The following GALNT18 variants were observed in gnomAD, a reference collection of about 807,000 sequenced individuals.
GALNT18 encodes the protein GalNAc-transferase 18.
In GALNT18, 44 loss-of-function variants were observed where a neutral mutation model predicts 69.5. The observed-to-expected ratio is 0.63, with a 90% CI of 0.50 to 0.81. GALNT18 has a LOEUF of 0.81. GALNT18 is among the 40% of genes least tolerant of loss of function. GALNT18 has a pLI of 0.00. For synonymous variants in GALNT18, 364 were observed against 318.2 expected (o/e 1.14, Z -1.53); for missense variants, 715 against 810.0 (o/e 0.88, Z 1.42).
intron 1 of GALNT18, among the ~76,000 whole-genome samples, chr11:11,488,906 G>A (rs1037349855): frequency 6.6e-6 from 1 of 152,184 alleles, no homozygotes. Flanking sequence ...CACAAGGAAA[G>A]CTCTACTGTA....
intron 3 of GALNT18, among the ~76,000 whole-genome samples, chr11:11,420,747 C>T (rs1002380992): frequency 1.3e-5 from 2 of 152,114 alleles, no homozygotes; most frequent in African/African-American, 4.8e-5. Flanking sequence ...CACTGTGGCC[C>T]TAAGTAATGT....
rs1859115498 is a variant in GALNT18, at chr11:11,582,723, C to T, written c.235+38636G>A. 1.3e-5 allele frequency among the ~76,000 whole-genome samples: 2 copies of T among 152,244 alleles called. No homozygotes were observed. The highest frequency in any genetic ancestry group is 6.5e-5 in the Admixed American group (1 of 15,294). On this transcript the variant is annotated intron_variant, in intron 1 of 10. Transcript: ENST00000227756. The surrounding 1 kb of genome is among the most constrained non-coding windows in gnomAD (Gnocchi z 5.0). ...ATAACCCAGTGGAAACTAACCAACA[C>T]AGCCTTTCAGCCCTCATCAAAGGTG...
intron 1 of GALNT18, among the ~76,000 whole-genome samples, chr11:11,575,012 T>G (rs1858886751): frequency 6.6e-6 from 1 of 152,238 alleles, no homozygotes; most frequent in African/African-American, 2.4e-5. Context: ...ATCTAGCATG[T>G]GCCTGGCTGA....
rs947867640 is a variant in GALNT18, at chr11:11,546,389, C to T, written c.235+74970G>A. Among the ~76,000 whole-genome samples, 1 of 152,186 alleles carries T rather than the reference C, an allele frequency of 6.6e-6. No homozygotes were observed. Among genetic ancestry groups the T allele is most frequent in the Admixed American group, 6.5e-5 (1 of 15,274 alleles). On this transcript the variant is annotated intron_variant, in intron 1 of 10. Transcript: ENST00000227756. This position sits in a 1 kb window ranked among gnomAD's most constrained non-coding sequence, Gnocchi z 5.8. The stretch of plus-strand genomic sequence containing the variant: ...ATTCTCTCCATTTCTGCCTTCCGCT[C>T]TCTGTGCCAACCACACCAACCTGCT...
rs1163375839 is a variant in GALNT18 at position 11,619,854 on chromosome 11, G to A, written c.235+1505C>T. ...CCCAGTGCCAGGTTGAGAGGCAGAG[G>A]CAGGTCTGAAGAAGAAGCTGTCAAT... On this transcript the variant is annotated intron_variant, in intron 1 of 10. Coordinates refer to ENST00000227756, the MANE Select transcript of GALNT18 (RefSeq NM_198516.3). This position sits in a 1 kb window ranked among gnomAD's most constrained non-coding sequence, Gnocchi z 4.9. Among the ~76,000 whole-genome samples, 1 of 152,210 alleles carries A rather than the reference G, an allele frequency of 6.6e-6. No individual in the cohort carries two copies. The highest frequency in any genetic ancestry group is 1.5e-5 in the Non-Finnish European group (1 of 68,038).
intron 1 of GALNT18, among the ~76,000 whole-genome samples, chr11:11,449,881 G>A (rs1412789556): frequency 6.6e-6 from 1 of 152,230 alleles, no homozygotes; most frequent in African/African-American, 2.4e-5. Flanking sequence ...ATCAGTTTAT[G>A]TCTCAGAACA....
rs564233640 is a variant in GALNT18 at position 11,309,404 on chromosome 11, A to G, written c.1513-16211T>C. 1.8e-4 allele frequency among the ~76,000 whole-genome samples: 28 copies of G among 152,122 alleles called. No homozygotes were observed. Among genetic ancestry groups the G allele is most frequent in the Non-Finnish European group, 3.4e-4 (23 of 68,022 alleles). ...CATCAACCTAATTGAGGCCTTTGGA[A>G]TAATAATTTTCTTTCTTTCCTTCTA... On this transcript the variant is annotated intron_variant, in intron 9 of 10. Transcript: ENST00000227756. This position sits in a 1 kb window ranked among gnomAD's most constrained non-coding sequence, Gnocchi z 4.6.
rs1017019558 is a variant in GALNT18, at chr11:11,618,001, T to C, written c.235+3358A>G. 6.6e-6 allele frequency among the ~76,000 whole-genome samples: 1 copy of C among 152,188 alleles called. No homozygotes were observed. The highest frequency in any genetic ancestry group is 6.5e-5 in the Admixed American group (1 of 15,290). ...GTCAAAAAACTTCCCAAAACTGCAATTTACATTCCCAAGAGATTCCCAAAC... is the reference window on the plus strand; with the variant it reads ...GTCAAAAAACTTCCCAAAACTGCAACTTACATTCCCAAGAGATTCCCAAAC... On this transcript the variant is annotated intron_variant, in intron 1 of 10. Transcript: ENST00000227756. The surrounding 1 kb of genome is among the most constrained non-coding windows in gnomAD (Gnocchi z 6.1).
intron 1 of GALNT18, among the ~76,000 whole-genome samples, chr11:11,517,165 T>C (rs1473243462): frequency 6.6e-6 from 1 of 152,222 alleles, no homozygotes; most frequent in Non-Finnish European, 1.5e-5. Context: ...CCTCCAGAAC[T>C]ATAAAAAACA....
rs1052732469 is a variant in GALNT18, at chr11:11,621,494, T to G, written c.100A>C (p.Asn34His). The change falls in exon 1 of 11, where the codon AAC (asparagine) becomes CAC (histidine). Residue 34 changes from asparagine to histidine, a missense_variant. Physicochemically the swap from Asn to His is moderately conservative, Grantham distance 68. Coordinates refer to ENST00000227756, the MANE Select transcript of GALNT18 (RefSeq NM_198516.3). The surrounding 1 kb of genome is among the most constrained non-coding windows in gnomAD (Gnocchi z 9.3). The stretch of plus-strand genomic sequence containing the variant: ...CGCACATACACGCTGGCGATGTAGT[T>G]GGTGACCCAGCCCACGTAGAGCAGG... Reference protein sequence around the residue: ...ICLLYVGWVTNYIASVYVRGQ... With the variant: ...ICLLYVGWVTHYIASVYVRGQ... 1 of 1,614,136 alleles carries G rather than the reference T, an allele frequency of 6.2e-7. No homozygotes were observed. Among genetic ancestry groups the G allele is most frequent in the African/African-American group, 1.3e-5 (1 of 75,052 alleles).
intron 1 of GALNT18, among the ~76,000 whole-genome samples, chr11:11,462,017 C>T (rs561098150): frequency 6.8e-4 from 104 of 152,296 alleles, no homozygotes; most frequent in Non-Finnish European, 1.2e-3. Flanking sequence ...TAAAGGGAAG[C>T]GGGGTGCTGT....
intron 6 of GALNT18, among the ~76,000 whole-genome samples, chr11:11,358,523 A>G (rs1324619656): frequency 7.1e-6 from 1 of 140,452 alleles, no homozygotes; most frequent in African/African-American, 2.6e-5. Flanking sequence ...ATAATCATTG[A>G]AATTATTAAA....
chr11:11,297,624 G>A (rs1490436693), intron 9 of GALNT18, among the ~76,000 whole-genome samples: 5 of 152,160 alleles, frequency 3.3e-5, no homozygotes, highest in African/African-American at 1.2e-4. Flanking sequence ...GACAGTACCA[G>A]AGAGCTGGAG....
chr11:11,525,690 A>G (rs1246020966), intron 1 of GALNT18, among the ~76,000 whole-genome samples: 2 of 139,892 alleles, frequency 1.4e-5, no homozygotes, highest in African/African-American at 5.4e-5. Context: ...GCTGAAGTTC[A>G]ATGACACTAT....
intron 10 of GALNT18, among the ~76,000 whole-genome samples, chr11:11,284,969 CTGAG>C (rs982437839): frequency 7.8e-6 from 1 of 128,310 alleles, no homozygotes; most frequent in African/African-American, 3.1e-5. Flanking sequence ...TCACCTTTGC[CTGAG>C]TGAGATTCTG....
chr11:11,400,482 A>T (rs1167386159), intron 3 of GALNT18, among the ~76,000 whole-genome samples: 3 of 152,192 alleles, frequency 2.0e-5, no homozygotes, highest in Non-Finnish European at 4.4e-5. Context: ...TGTCTAACGA[A>T]GGTGTCTTTC....
intron 9 of GALNT18, among the ~76,000 whole-genome samples, chr11:11,299,380 A>G (rs1270517649): frequency 6.6e-6 from 1 of 152,170 alleles, no homozygotes; most frequent in Non-Finnish European, 1.5e-5. Context: ...TCCTGACCTC[A>G]GGTGAACTGC....
intron 9 of GALNT18, among the ~76,000 whole-genome samples, chr11:11,298,575 G>A (rs1849440652): frequency 6.6e-6 from 1 of 152,150 alleles, no homozygotes; most frequent in South Asian, 2.1e-4. Context: ...CCGGGAGCTT[G>A]GTCCCGAGGG....
At position 11,379,218 on chromosome 11, in the gene GALNT18, G is replaced by C; in HGVS notation, c.642C>G (p.Ser214Arg). The change falls in exon 4 of 11, where the codon AGC becomes AGG. Residue 214 changes from serine to arginine, a missense_variant. Coordinates refer to ENST00000227756, the MANE Select transcript of GALNT18 (RefSeq NM_198516.3). ...CGACTTTGATGAAGCCTGGCTTCTG[G>C]CTGTTCACCTTGTCCACATATTCGG... The part of the protein sequence containing the change: ...KLTEYVDKVN[S>R]QKPGFIKVVR... The C allele has an allele frequency of 1.9e-6, 3 of 1,613,214 alleles. No homozygotes were observed. The South Asian group carries it at 3.3e-5, about 18-fold the overall frequency.
Sources: gnomAD v4.1 joint callset for allele counts (sites outside exome capture counted in the v4.1 genomes callset) on GRCh38, gnomAD v4.1.1 for gene constraint, Gnocchi (gnomAD v3.1) non-coding constraint, MANE v1.5 for transcripts, NCBI Gene and HGNC (gene_info 2026-07-23, HGNC 2026-07-21) for gene names.